The following PLD5 variants were observed in gnomAD, a reference collection of about 807,000 sequenced individuals.
PLD5 encodes inactive phospholipase D5.
PLD5 carries 36 observed loss-of-function variants against 61.1 expected under a neutral mutation model. The observed-to-expected ratio is 0.59, with a 90% CI of 0.45 to 0.78. The LOEUF (loss-of-function observed/expected upper bound fraction) is 0.78, where lower values mean the gene tolerates loss of function less well. Ranked by LOEUF, PLD5 falls within the 30% of genes least tolerant of loss-of-function variation. The pLI is 0.00. For missense variants in PLD5, 515 were observed against 644.4 expected, an observed-to-expected ratio of 0.80 and a Z score of 2.17; for synonymous variants, 243 against 242.8, an observed-to-expected ratio of 1.00 and a Z score of -0.01.
chr1:242,151,566 G>A (rs1664930983), intron 5 of PLD5, among the ~76,000 whole-genome samples: 1 of 151,874 alleles, frequency 6.6e-6, no homozygotes, highest in Non-Finnish European at 1.5e-5. Flanking sequence ...TATTTTTTCA[G>A]TTTTCCTGTT....
chr1:242,210,461 G>C (rs1288923542), intron 5 of PLD5: 1 of 156,414 alleles, frequency 6.4e-6, no homozygotes, highest in Non-Finnish European at 1.4e-5. Context: ...CACCACAAAG[G>C]AAGTGTCAAT....
At chr1:242,308,221 A>C (rs1558450415) in intron 2 of PLD5, among the ~76,000 whole-genome samples, 2 of 152,054 alleles carry the variant, frequency 1.3e-5, no homozygotes, top group Non-Finnish European at 2.9e-5. Context: ...CTCTCATTAC[A>C]ACTAGTCTAT....
intron 1 of PLD5, among the ~76,000 whole-genome samples, chr1:242,507,752 T>G (rs1464940367): frequency 6.6e-6 from 1 of 152,226 alleles, no homozygotes; most frequent in Non-Finnish European, 1.5e-5. Context: ...GGAAATGTTT[T>G]CCTAGATAAA....
At chr1:242,163,897 G>C (rs757595330) in intron 5 of PLD5, among the ~76,000 whole-genome samples, 1 of 145,292 alleles carries the variant, frequency 6.9e-6, no homozygotes, top group South Asian at 2.2e-4. Context: ...GTCTCCTAAA[G>C]AGAGAGTTAT....
At chr1:242,226,528 G>C (rs1408843261) in intron 4 of PLD5, among the ~76,000 whole-genome samples, 1 of 152,166 alleles carries the variant, frequency 6.6e-6, no homozygotes, top group Non-Finnish European at 1.5e-5. Context: ...ATGCTATCCA[G>C]GCAGTCCTAA....
chr1:242,510,672 C>T (rs576607764), intron 1 of PLD5, among the ~76,000 whole-genome samples: 33 of 152,156 alleles, frequency 2.2e-4, no homozygotes, highest in South Asian at 1.7e-3. Context: ...GGTGAAACCC[C>T]GTCTCTACTA....
At chr1:242,368,182 A>G (rs1322674993) in intron 1 of PLD5, among the ~76,000 whole-genome samples, 1 of 152,210 alleles carries the variant, frequency 6.6e-6, no homozygotes, top group Non-Finnish European at 1.5e-5. Context: ...GAATGATTCA[A>G]CTAAACCTAC....
Position 242,105,392 on chromosome 1 carries a change from T to G in PLD5, c.1239+2279A>C, listed in dbSNP as rs561307711. 2.0e-5 allele frequency among the ~76,000 whole-genome samples: 3 copies of G among 152,162 alleles called. No homozygotes were observed. In the East Asian group the frequency reaches 5.8e-4, roughly 29 times the overall value. On this transcript the variant is annotated intron_variant, in intron 8 of 9. Transcript: ENST00000536534. ...GTGTGCACCACCACGCCCAGCTAAT[T>G]TTTGTATTTTTACTAGAGATGGGGT...
chr1:242,427,100 T>A (rs959489065), intron 1 of PLD5, among the ~76,000 whole-genome samples: 3 of 152,202 alleles, frequency 2.0e-5, no homozygotes, highest in African/African-American at 7.2e-5. Flanking sequence ...TCAAACTTTA[T>A]CTGAGCAAGA....
At chr1:242,227,516 C>T (rs1402253368) in intron 4 of PLD5, among the ~76,000 whole-genome samples, 4 of 152,192 alleles carry the variant, frequency 2.6e-5, no homozygotes, top group East Asian at 3.9e-4. Flanking sequence ...AGGCACACAC[C>T]GCCACATCCT....
At chr1:242,477,352 C>T (rs1667627759) in intron 1 of PLD5, among the ~76,000 whole-genome samples, 1 of 152,188 alleles carries the variant, frequency 6.6e-6, no homozygotes, top group Non-Finnish European at 1.5e-5. Context: ...CGATACTCCT[C>T]ACTGATCATA....
chr1:242,363,348 GA>G (rs1275218319), intron 1 of PLD5, among the ~76,000 whole-genome samples: 1 of 149,128 alleles, frequency 6.7e-6, no homozygotes, highest in African/African-American at 2.5e-5. Context: ...TCTCCTTAAG[GA>G]AAAAAATTAA....
intron 1 of PLD5, among the ~76,000 whole-genome samples, chr1:242,350,434 T>TACACACACAC (rs57955584): frequency 1.9e-4 from 28 of 145,306 alleles, no homozygotes; most frequent in African/African-American, 6.4e-4. Context: ...TATACACACG[T>TACACACACAC]ACACACACAC....
At chr1:242,164,179 A>G (rs1433793887) in intron 5 of PLD5, among the ~76,000 whole-genome samples, 1 of 151,750 alleles carries the variant, frequency 6.6e-6, no homozygotes, top group African/African-American at 2.4e-5. Flanking sequence ...AAAAAAAAAA[A>G]GAAATTCATG....
chr1:242,499,037 TG>T (rs1233347475), intron 1 of PLD5, among the ~76,000 whole-genome samples: 5 of 152,200 alleles, frequency 3.3e-5, no homozygotes, highest in Non-Finnish European at 7.3e-5. Flanking sequence ...ACCAAATTAG[TG>T]GACAAAAACG....
intron 1 of PLD5, among the ~76,000 whole-genome samples, chr1:242,510,769 C>T (rs982590759): frequency 2.6e-5 from 4 of 151,736 alleles, no homozygotes; most frequent in East Asian, 1.9e-4. Flanking sequence ...GGCATGACCC[C>T]GGGAGGCAGA....
intron 1 of PLD5, among the ~76,000 whole-genome samples, chr1:242,452,012 C>T (rs963778622): frequency 3.9e-5 from 6 of 152,076 alleles, no homozygotes; most frequent in Admixed American, 2.0e-4. Context: ...ACGGGGGCTT[C>T]GGCTCAGTCC....
intron 5 of PLD5, among the ~76,000 whole-genome samples, chr1:242,216,232 C>A (rs1670188402): frequency 6.6e-6 from 1 of 152,166 alleles, no homozygotes; most frequent in Non-Finnish European, 1.5e-5. Context: ...CTGCACACAG[C>A]TGTATGCTTC....
intron 4 of PLD5, among the ~76,000 whole-genome samples, chr1:242,241,260 T>A: frequency 6.6e-6 from 1 of 152,104 alleles, no homozygotes; most frequent in East Asian, 1.9e-4. Context: ...AGACAAAGAT[T>A]GTGTAGGGTA....
Sources: gnomAD v4.1 joint callset for allele counts (sites outside exome capture counted in the v4.1 genomes callset) on GRCh38, gnomAD v4.1.1 for gene constraint, MANE v1.5 for transcripts, NCBI Gene and HGNC (gene_info 2026-07-23, HGNC 2026-07-21) for gene names.